The following ARMH3 variants were observed in gnomAD, a reference collection of about 807,000 sequenced individuals.
ARMH3 encodes the protein armadillo like helical domain containing 3.
In ARMH3, 60 loss-of-function variants were observed where a neutral mutation model predicts 99.1. That is an observed-to-expected ratio of 0.61 (90% CI 0.49 to 0.75). The LOEUF is 0.75. Ranked by LOEUF, ARMH3 falls within the 30% of genes least tolerant of loss-of-function variation. The pLI is 0.00. For synonymous variants in ARMH3, 285 were observed against 292.8 expected (o/e 0.97, Z 0.27); for missense variants, 679 against 843.1 (o/e 0.81, Z 2.41).
At chr10:102,016,793 G>C (rs1430679324) in intron 8 of ARMH3, among the ~76,000 whole-genome samples, 2 of 152,156 alleles carry the variant, frequency 1.3e-5, no homozygotes, top group African/African-American at 2.4e-5. Flanking sequence ...CAAAATCTTT[G>C]AGTCTTCACA....
intron 24 of ARMH3, among the ~76,000 whole-genome samples, chr10:101,881,055 AG>A (rs2067403696): frequency 6.6e-6 from 1 of 152,240 alleles, no homozygotes; most frequent in Non-Finnish European, 1.5e-5. Context: ...TCAGATATAA[AG>A]CATGTTATTT....
chr10:101,972,901 T>C (rs1171062257), intron 20 of ARMH3, among the ~76,000 whole-genome samples: 1 of 152,138 alleles, frequency 6.6e-6, no homozygotes, highest in Non-Finnish European at 1.5e-5. Flanking sequence ...CAATCAGTCC[T>C]GAGAATAGGA....
chr10:101,965,263 T>C (rs887532362), intron 20 of ARMH3, among the ~76,000 whole-genome samples: 1 of 152,206 alleles, frequency 6.6e-6, no homozygotes, highest in African/African-American at 2.4e-5. Flanking sequence ...CACTCCAGTC[T>C]CACTTTCTGT....
intron 19 of ARMH3, among the ~76,000 whole-genome samples, chr10:101,988,055 T>G (rs1846594059): frequency 3.3e-5 from 5 of 152,328 alleles, no homozygotes; most frequent in Middle Eastern, 3.4e-3. Context: ...CAGTTAAGTT[T>G]CTCCTGGATT....
intron 20 of ARMH3, among the ~76,000 whole-genome samples, chr10:101,970,434 G>C (rs1400680859): frequency 6.6e-6 from 1 of 152,180 alleles, no homozygotes; most frequent in Non-Finnish European, 1.5e-5. Flanking sequence ...ACATTGTGCT[G>C]CTTTTGGAGA....
chr10:101,912,550 C>T (rs1416659399), intron 23 of ARMH3, among the ~76,000 whole-genome samples: 1 of 152,152 alleles, frequency 6.6e-6, no homozygotes, highest in Non-Finnish European at 1.5e-5. Context: ...CTGCTGAGCT[C>T]ATTTATTCTA....
chr10:101,956,561 T>C (rs1845047248), intron 22 of ARMH3, 36 bp downstream of exon 22: 1 of 1,604,508 alleles, frequency 6.2e-7, no homozygotes, highest in Non-Finnish European at 8.5e-7. Context: ...GCTAGACAAA[T>C]GGTGGAGAGA....
intron 13 of ARMH3, among the ~76,000 whole-genome samples, chr10:102,007,656 T>TA (rs961346897): frequency 0.069 from 3,805 of 54,940 alleles, 287 homozygotes; most frequent in Middle Eastern, 0.12. Context: ...CTGTCTCTAC[T>TA]AAAAAAAAAA....
chr10:102,054,762 G>C (rs1028217395), intron 1 of ARMH3, among the ~76,000 whole-genome samples: 1 of 152,074 alleles, frequency 6.6e-6, no homozygotes, highest in Non-Finnish European at 1.5e-5. Flanking sequence ...TTGGGAGATC[G>C]AGGTGGGTGA....
intron 24 of ARMH3, among the ~76,000 whole-genome samples, chr10:101,854,670 G>A (rs913570855): frequency 1.3e-5 from 2 of 152,092 alleles, no homozygotes; most frequent in Non-Finnish European, 2.9e-5. Flanking sequence ...GGGCCTGAGA[G>A]GACAGCAAAG....
intron 5 of ARMH3, among the ~76,000 whole-genome samples, chr10:102,029,242 G>C (rs1203974280): frequency 3.3e-5 from 5 of 152,184 alleles, no homozygotes; most frequent in Non-Finnish European, 1.5e-5. Context: ...TAAAAAGATA[G>C]TGTCAAACAG....
chr10:101,877,503 T>C (rs930827976), intron 24 of ARMH3, among the ~76,000 whole-genome samples: 2 of 151,838 alleles, frequency 1.3e-5, no homozygotes, highest in Non-Finnish European at 2.9e-5. Flanking sequence ...CTACTAAAAA[T>C]ACAAAAATTA....
intron 14 of ARMH3, 149 bp from the exon 15 acceptor site, chr10:102,002,221 T>A: frequency 8.5e-7 from 1 of 1,180,596 alleles, no homozygotes; most frequent in Non-Finnish European, 1.2e-6. Flanking sequence ...CACAAAACTT[T>A]TATCTACTCT....
chr10:101,941,218 A>G (rs1474333440), intron 22 of ARMH3, among the ~76,000 whole-genome samples: 3 of 152,258 alleles, frequency 2.0e-5, no homozygotes, highest in Non-Finnish European at 4.4e-5. Context: ...GTCAGGGTCC[A>G]AGTCCAGCCC....
At chr10:102,000,867 G>A (rs572009329) in intron 15 of ARMH3, among the ~76,000 whole-genome samples, 5 of 152,014 alleles carry the variant, frequency 3.3e-5, no homozygotes, top group Admixed American at 2.0e-4. Flanking sequence ...TGCAAGCTGG[G>A]GTACAGTGGC....
chr10:102,022,921 G>T (rs2066919144), intron 8 of ARMH3, among the ~76,000 whole-genome samples: 1 of 150,964 alleles, frequency 6.6e-6, no homozygotes, highest in Non-Finnish European at 1.5e-5. Flanking sequence ...AGGTGCGGTG[G>T]CTCATGCCTG....
chr10:101,895,847 A>G (rs191020171), intron 23 of ARMH3, among the ~76,000 whole-genome samples: 2 of 152,246 alleles, frequency 1.3e-5, no homozygotes, highest in East Asian at 3.8e-4. Flanking sequence ...CAAATAATAC[A>G]ATTTTTAAAA....
intron 8 of ARMH3, among the ~76,000 whole-genome samples, chr10:102,023,077 C>T (rs1480542894): frequency 6.6e-6 from 1 of 151,764 alleles, no homozygotes. Flanking sequence ...ATCCCAACTA[C>T]TTGGGAGGCT....
intron 20 of ARMH3, among the ~76,000 whole-genome samples, chr10:101,974,953 A>G (rs1845923158): frequency 6.6e-6 from 1 of 151,002 alleles, no homozygotes; most frequent in African/African-American, 2.4e-5. Context: ...TGTTTTTACC[A>G]GTTGACAAAA....
Sources: gnomAD v4.1 joint callset for allele counts (sites outside exome capture counted in the v4.1 genomes callset) on GRCh38, gnomAD v4.1.1 for gene constraint, MANE v1.5 for transcripts, NCBI Gene and HGNC (gene_info 2026-07-23, HGNC 2026-07-21) for gene names.